The following PDE4D variants were observed in gnomAD, a reference collection of about 807,000 sequenced individuals.
PDE4D encodes phosphodiesterase 4D.
A neutral mutation model predicts 87.4 loss-of-function variants in PDE4D; 24 were observed. The ratio of observed to expected loss-of-function variants is 0.27; its 90% CI spans 0.20 to 0.39. The LOEUF is 0.39. Ranked by LOEUF, PDE4D falls within the 10% of genes least tolerant of loss-of-function variation. The pLI is 1.00. For synonymous variants in PDE4D, 384 were observed against 383.2 expected, an observed-to-expected ratio of 1.00 and a Z score of -0.02; for missense variants, 714 against 1,041.0, an observed-to-expected ratio of 0.69 and a Z score of 4.32.
chr5:59,713,636 TG>T (rs1179106315), intron 1 of PDE4D, among the ~76,000 whole-genome samples: 1 of 152,148 alleles, frequency 6.6e-6, no homozygotes, highest in African/African-American at 2.4e-5. Flanking sequence ...CTGCTGATTC[TG>T]GGTTGGCAAT....
At chr5:59,945,816 A>G (rs887852834) in intron 3 of PDE4D, among the ~76,000 whole-genome samples, 1 of 152,132 alleles carries the variant, frequency 6.6e-6, no homozygotes, top group African/African-American at 2.4e-5. Flanking sequence ...CTGATTATTG[A>G]ATTTCTTTCT....
intron 1 of PDE4D, among the ~76,000 whole-genome samples, chr5:60,258,925 C>G (rs1187650426): frequency 6.6e-6 from 1 of 151,912 alleles, no homozygotes; most frequent in African/African-American, 2.4e-5. Flanking sequence ...TAAAAATTAT[C>G]TTTGCAGGAA....
intron 5 of PDE4D, among the ~76,000 whole-genome samples, chr5:59,072,029 G>A (rs186967411): frequency 4.0e-4 from 60 of 151,844 alleles, no homozygotes; most frequent in African/African-American, 1.4e-3. Flanking sequence ...CATTTGTTTT[G>A]GTTTCTTTCA....
intron 1 of PDE4D, among the ~76,000 whole-genome samples, chr5:59,582,228 C>G (rs983103415): frequency 6.6e-6 from 1 of 152,192 alleles, no homozygotes; most frequent in Non-Finnish European, 1.5e-5. Context: ...GCTCCATTAT[C>G]TTACATGAGA....
chr5:59,059,223 T>C (rs1309577624), intron 5 of PDE4D, among the ~76,000 whole-genome samples: 1 of 152,310 alleles, frequency 6.6e-6, no homozygotes, highest in Non-Finnish European at 1.5e-5. Flanking sequence ...TAAACCCCAC[T>C]GGAAATTAAA....
chr5:59,055,220 C>T (rs1762161301), intron 5 of PDE4D, among the ~76,000 whole-genome samples: 1 of 152,120 alleles, frequency 6.6e-6, no homozygotes, highest in Non-Finnish European at 1.5e-5. Context: ...AGGAGAAGGA[C>T]ACCTTTCCGT....
intron 3 of PDE4D, among the ~76,000 whole-genome samples, chr5:59,970,596 A>G (rs1760613270): frequency 6.6e-6 from 1 of 152,110 alleles, no homozygotes; most frequent in Non-Finnish European, 1.5e-5. Context: ...GCCAAAAAAC[A>G]CATGAAAAAA....
chr5:59,270,165 T>C (rs923119621), intron 1 of PDE4D, among the ~76,000 whole-genome samples: 3 of 152,308 alleles, frequency 2.0e-5, no homozygotes, highest in East Asian at 1.9e-4. Context: ...GTATATTTCA[T>C]AACAGATACA....
At chr5:59,498,630 T>C (rs1207351602) in intron 1 of PDE4D, among the ~76,000 whole-genome samples, 2 of 151,878 alleles carry the variant, frequency 1.3e-5, no homozygotes, top group South Asian at 2.1e-4. Flanking sequence ...AGGATCACTA[T>C]TCTAATATCA....
rs138570157 is a variant in PDE4D at position 59,740,111 on chromosome 5, T to C, written c.455+153057A>G. Among the ~76,000 whole-genome samples, 448 of 152,326 alleles carry C rather than the reference T, an allele frequency of 2.9e-3. 8 individuals carry two copies. The highest frequency in any genetic ancestry group is 3.8e-3 in the Non-Finnish European group (257 of 68,024). On this transcript the variant is annotated intron_variant, in intron 1 of 14. Coordinates refer to ENST00000340635, the MANE Select transcript of PDE4D (RefSeq NM_001104631.2). The stretch of plus-strand genomic sequence containing the variant: ...ATTTATAAAAGTAGAAAATACTTTA[T>C]TGCTGCTGGTGTCCTGAAACTGAAT...
Position 60,108,810 on chromosome 5 carries a change from T to C in PDE4D, c.42+76747A>G, listed in dbSNP as rs1355934565. 3.9e-5 allele frequency among the ~76,000 whole-genome samples: 6 copies of C among 152,118 alleles called. No homozygotes were observed. The East Asian group carries it at 1.2e-3, about 29-fold the overall frequency. On this transcript the variant is annotated intron_variant, in intron 2 of 16. Transcript: ENST00000502484. ...GCTGGGAAAACTGGCTAGCCCTATGTAGAAAGCTGAAACTGGATCCCTTCC... is the reference window on the plus strand; with the variant it reads ...GCTGGGAAAACTGGCTAGCCCTATGCAGAAAGCTGAAACTGGATCCCTTCC...
At chr5:59,835,440 C>A (rs1741870511) in intron 1 of PDE4D, among the ~76,000 whole-genome samples, 1 of 151,918 alleles carries the variant, frequency 6.6e-6, no homozygotes, top group Non-Finnish European at 1.5e-5. Flanking sequence ...TGGGCTGTTA[C>A]CATCATGAAA....
rs296405 is a variant in PDE4D at position 59,596,103 on chromosome 5, A to G, written c.455+297065T>C. Among the ~76,000 whole-genome samples, 163 of 151,810 alleles carry G rather than the reference A, an allele frequency of 1.1e-3. 3 individuals carry two copies. The East Asian group carries it at 0.026, about 25-fold the overall frequency. ...AGGCTGCAGGTAAAATGCCATTTAAAATCCAAAGGCCCCATCCACCACTTC... is the reference window on the plus strand; with the variant it reads ...AGGCTGCAGGTAAAATGCCATTTAAGATCCAAAGGCCCCATCCACCACTTC... On this transcript the variant is annotated intron_variant, in intron 1 of 14. Transcript: ENST00000340635.
At chr5:60,497,397 T>TTTTTTTG (rs1027690575) in intron 1 of PDE4D, among the ~76,000 whole-genome samples, 80 of 152,080 alleles carry the variant, frequency 5.3e-4, no homozygotes, top group African/African-American at 1.8e-3. Context: ...GTCTTTCTTT[T>TTTTTTTG]TTTTTGTTTT....
chr5:60,412,590 A>C (rs1484445825), intron 1 of PDE4D, among the ~76,000 whole-genome samples: 1 of 152,184 alleles, frequency 6.6e-6, no homozygotes, highest in East Asian at 1.9e-4. Flanking sequence ...TTGTGTATTC[A>C]CATAGATACT....
intron 5 of PDE4D, among the ~76,000 whole-genome samples, chr5:59,169,181 A>C (rs1341195093): frequency 6.6e-6 from 1 of 152,204 alleles, no homozygotes; most frequent in Non-Finnish European, 1.5e-5. Flanking sequence ...ATGAGCCTCA[A>C]AGGAATTTTC....
intron 1 of PDE4D, among the ~76,000 whole-genome samples, chr5:60,330,158 T>A (rs1359107919): frequency 6.6e-6 from 1 of 152,138 alleles, no homozygotes; most frequent in Admixed American, 6.5e-5. Context: ...GAAACTTTGA[T>A]CTGATACCTT....
chr5:59,102,087 T>TTC (rs1770840922), intron 5 of PDE4D, among the ~76,000 whole-genome samples: 1 of 147,850 alleles, frequency 6.8e-6, no homozygotes, highest in Admixed American at 6.8e-5. Context: ...CCTACTTTTT[T>TTC]TTTTTTTTTT....
intron 1 of PDE4D, among the ~76,000 whole-genome samples, chr5:59,568,675 C>T (rs992163257): frequency 6.6e-6 from 1 of 152,008 alleles, no homozygotes; most frequent in Admixed American, 6.6e-5. Flanking sequence ...CATGAAAAAT[C>T]AATCAGAAAA....
Sources: gnomAD v4.1 joint callset for allele counts (sites outside exome capture counted in the v4.1 genomes callset) on GRCh38, gnomAD v4.1.1 for gene constraint, MANE v1.5 for transcripts, NCBI Gene and HGNC (gene_info 2026-07-23, HGNC 2026-07-21) for gene names.